CCDC171: variants seen among roughly 807,000 people sequenced by gnomAD.
CCDC171 encodes the protein coiled-coil domain containing 171.
Under a neutral mutation model 168.2 loss-of-function variants are expected in CCDC171, and 177 were observed. The observed-to-expected ratio is 1.05, with a 90% CI of 0.93 to 1.19. CCDC171 has a LOEUF of 1.19. Among genes scored for constraint, CCDC171 ranks in the 50% most tolerant of loss-of-function variants. The pLI, the probability that CCDC171 is intolerant of heterozygous loss-of-function variation, is 0.00. For synonymous variants in CCDC171, 687 were observed against 540.8 expected (o/e 1.27, Z -3.75); for missense variants, 1,991 against 1,539.0 (o/e 1.29, Z -4.91).
chr9:15,567,028 T>A (rs2039790788), intron 2 of CCDC171, among the ~76,000 whole-genome samples: 1 of 33,248 alleles, frequency 3.0e-5, no homozygotes, highest in Admixed American at 4.6e-4. Flanking sequence ...CTACATGTCC[T>A]TTTTTTTTTT....
chr9:16,040,811 C>T (rs1328227926), upstream of CCDC171, among the ~76,000 whole-genome samples: 1 of 152,188 alleles, frequency 6.6e-6, no homozygotes, highest in Non-Finnish European at 1.5e-5. Flanking sequence ...ACAAGCTTCT[C>T]TCTACTTCTG....
intron 23 of CCDC171, among the ~76,000 whole-genome samples, chr9:15,849,222 G>A (rs922352528): frequency 6.6e-6 from 1 of 151,046 alleles, no homozygotes; most frequent in Non-Finnish European, 1.5e-5. Flanking sequence ...GCTGAACAAA[G>A]CAGAGGTCAT....
chr9:15,651,443 A>T (rs1448689746), intron 7 of CCDC171, among the ~76,000 whole-genome samples: 2 of 150,762 alleles, frequency 1.3e-5, no homozygotes, highest in African/African-American at 4.9e-5. Context: ...ATGAGATCTC[A>T]CTTTTTTATA....
At chr9:15,895,103 A>G (rs1464317706) in intron 24 of CCDC171, among the ~76,000 whole-genome samples, 1 of 152,128 alleles carries the variant, frequency 6.6e-6, no homozygotes, top group Non-Finnish European at 1.5e-5. Flanking sequence ...CTTTTTAGCA[A>G]TGTGCCTGTA....
intron 1 of CCDC171, among the ~76,000 whole-genome samples, chr9:16,050,816 C>G (rs1353611668): frequency 6.6e-6 from 1 of 152,102 alleles, no homozygotes; most frequent in Admixed American, 6.5e-5. Flanking sequence ...TGGTAGTAAC[C>G]CCTCAAAGTT....
rs550617406 is a variant in CCDC171, at chr9:15,591,303, T to C, written c.353-63T>C. 33 of 1,011,648 alleles carry C rather than the reference T, an allele frequency of 3.3e-5. No homozygotes were observed. The African/African-American group carries it at 5.4e-4, about 17-fold the overall frequency. 62.7% of individuals were successfully genotyped at this position (1,011,648 alleles called of 1,614,324 possible). ...AATGATGTCAACTCCAATGCCTAGG[T>C]TTTGGGGCTCCTTGTTATTTAATTC... On this transcript the variant is annotated intron_variant, in intron 4 of 25. Coordinates refer to ENST00000380701, the MANE Select transcript of CCDC171 (RefSeq NM_173550.4).
At chr9:15,627,996 C>T (rs1018595813) in intron 7 of CCDC171, among the ~76,000 whole-genome samples, 4 of 151,976 alleles carry the variant, frequency 2.6e-5, no homozygotes, top group East Asian at 1.9e-4. Context: ...TTAGGGAAGC[C>T]GTATTGTGTA....
intron 3 of CCDC171, among the ~76,000 whole-genome samples, chr9:15,998,733 GA>G (rs1416629037): frequency 1.3e-5 from 2 of 152,104 alleles, no homozygotes; most frequent in South Asian, 2.1e-4. Context: ...ATGCCCTTCT[GA>G]AAAAAATTAT....
chr9:16,106,340 C>T, the CCDC171 span, among the ~76,000 whole-genome samples: 18 of 152,324 alleles, frequency 1.2e-4, no homozygotes, highest in East Asian at 1.9e-4. Flanking sequence ...CCCCTTTCTG[C>T]GCCCCTCGCA....
chr9:16,086,716 G>C, the CCDC171 span, among the ~76,000 whole-genome samples: 1 of 152,028 alleles, frequency 6.6e-6, no homozygotes, highest in Non-Finnish European at 1.5e-5. Flanking sequence ...ATCTCCTTCA[G>C]TTTGGCTCCG....
intron 11 of CCDC171, among the ~76,000 whole-genome samples, chr9:15,712,126 T>G (rs1399499159): frequency 6.6e-6 from 1 of 152,234 alleles, no homozygotes; most frequent in Non-Finnish European, 1.5e-5. Context: ...AAGCATTCTT[T>G]CTTACTCAGG....
intron 4 of CCDC171, 50 bp downstream of exon 4, chr9:15,579,073 A>G (rs369291382): frequency 2.2e-5 from 32 of 1,434,826 alleles, no homozygotes; most frequent in Non-Finnish European, 2.7e-5. Flanking sequence ...ACCTGATTGT[A>G]TATCACTCCT....
At chr9:15,771,883 G>C (rs935772284) in intron 18 of CCDC171, among the ~76,000 whole-genome samples, 2 of 152,150 alleles carry the variant, frequency 1.3e-5, no homozygotes, top group African/African-American at 4.8e-5. Flanking sequence ...GCCCAGGCTG[G>C]ATTGCTATGG....
chr9:15,737,478 A>G (rs2054572679), intron 16 of CCDC171, among the ~76,000 whole-genome samples: 1 of 152,288 alleles, frequency 6.6e-6, no homozygotes, highest in South Asian at 2.1e-4. Context: ...GAAGGGAGAT[A>G]TAGGACACAT....
chr9:16,060,776 A>G (rs1170071626), exon 2 of CCDC171: 1 of 152,272 alleles, frequency 6.6e-6, no homozygotes, highest in Non-Finnish European at 1.5e-5. Context: ...AGAACAGCAG[A>G]AAAAGACCTG....
At chr9:16,013,173 T>C (rs567755945) in intron 3 of CCDC171, among the ~76,000 whole-genome samples, 8 of 152,190 alleles carry the variant, frequency 5.3e-5, no homozygotes, top group Non-Finnish European at 7.3e-5. Context: ...CAGAATAATA[T>C]CTGAGTGGAT....
At chr9:15,709,062 AG>A (rs1184612070) in intron 11 of CCDC171, among the ~76,000 whole-genome samples, 7 of 152,230 alleles carry the variant, frequency 4.6e-5, no homozygotes, top group Non-Finnish European at 1.0e-4. Flanking sequence ...CATTTAGAAC[AG>A]AGTGGTGAAA....
At chr9:16,033,663 A>G (rs1472515719) in intron 6 of CCDC171, among the ~76,000 whole-genome samples, 1 of 152,194 alleles carries the variant, frequency 6.6e-6, no homozygotes, top group Non-Finnish European at 1.5e-5. Context: ...AATGCGCTTG[A>G]ACCATCCCGA....
At chr9:16,066,385 A>C (rs1428803786), downstream of CCDC171, among the ~76,000 whole-genome samples, 1 of 152,140 alleles carries the variant, frequency 6.6e-6, no homozygotes, top group African/African-American at 2.4e-5. Context: ...ATACTACAGC[A>C]AAAGGGAAAA....
Sources: allele counts gnomAD v4.1 joint callset (sites outside exome capture counted in the v4.1 genomes callset), GRCh38; gene constraint gnomAD v4.1.1; transcripts MANE v1.5; gene names NCBI Gene and HGNC (gene_info 2026-07-23, HGNC 2026-07-21).